HDAC9: variants seen among roughly 807,000 people sequenced by gnomAD.
The protein encoded by HDAC9 is histone deacetylase 9.
In HDAC9, 41 loss-of-function variants were observed where a neutral mutation model predicts 139.4. The ratio of observed to expected loss-of-function variants is 0.29; its 90% CI spans 0.23 to 0.38. The LOEUF (loss-of-function observed/expected upper bound fraction) is 0.38, where lower values mean the gene tolerates loss of function less well. Ranked by LOEUF, HDAC9 falls within the 10% of genes least tolerant of loss-of-function variation. HDAC9 has a pLI of 1.00. For missense variants in HDAC9, 1,147 were observed against 1,297.0 expected (o/e 0.88, Z 1.78); for synonymous variants, 517 against 476.2 (o/e 1.09, Z -1.12).
intron 1 of HDAC9, among the ~76,000 whole-genome samples, chr7:18,419,052 A>C (rs1346951097): frequency 6.6e-6 from 1 of 152,148 alleles, no homozygotes; most frequent in Non-Finnish European, 1.5e-5. Context: ...TCATCTTTAT[A>C]TGTCCTTTTC....
At chr7:18,128,401 C>A (rs544211599) in intron 1 of HDAC9, among the ~76,000 whole-genome samples, 2 of 152,040 alleles carry the variant, frequency 1.3e-5, no homozygotes, top group Non-Finnish European at 2.9e-5. Context: ...TTTCATCTCT[C>A]TGAATCTTGG....
chr7:18,122,836 C>T (rs1011110242), intron 1 of HDAC9, among the ~76,000 whole-genome samples: 1 of 152,142 alleles, frequency 6.6e-6, no homozygotes, highest in African/African-American at 2.4e-5. Flanking sequence ...CCAGTCTGGC[C>T]TTGAACTCCT....
chr7:18,148,385 T>C (rs1317409065), intron 1 of HDAC9, among the ~76,000 whole-genome samples: 1 of 152,198 alleles, frequency 6.6e-6, no homozygotes, highest in Non-Finnish European at 1.5e-5. Context: ...CCAGCACTGC[T>C]GCATCGACTA....
At chr7:18,201,113 G>T (rs140912223) in intron 2 of HDAC9, among the ~76,000 whole-genome samples, 2 of 152,202 alleles carry the variant, frequency 1.3e-5, no homozygotes, top group East Asian at 3.9e-4. Context: ...ACTCGTGTCC[G>T]CCTCGCAACA....
At chr7:18,319,128 C>A (rs996628116) in intron 1 of HDAC9, among the ~76,000 whole-genome samples, 1 of 152,198 alleles carries the variant, frequency 6.6e-6, no homozygotes, top group Non-Finnish European at 1.5e-5. Flanking sequence ...AGCTGATAAT[C>A]TTAAAAACGC....
intron 17 of HDAC9, among the ~76,000 whole-genome samples, chr7:18,805,534 A>G (rs771440554): frequency 6.6e-6 from 1 of 152,206 alleles, no homozygotes. Context: ...GCCAGTGGAC[A>G]CTGCGCAGAA....
chr7:18,678,925 A>G lies in HDAC9; in HGVS notation c.1731+12449A>G, dbSNP rs528233668. On this transcript the variant is annotated intron_variant, in intron 12 of 25. Transcript: ENST00000686413. ...TGTGCAAGTCTATCATAACCTTTAC[A>G]CTCAACTTGGTTTCTCTCTTGCTCC... Among the ~76,000 whole-genome samples, 140 of 152,006 alleles carry G rather than the reference A, an allele frequency of 9.2e-4. 1 individual carries two copies. The highest frequency in any genetic ancestry group is 1.8e-3 in the Non-Finnish European group (121 of 67,896).
At chr7:18,771,593 A>G (rs955779280) in intron 16 of HDAC9, among the ~76,000 whole-genome samples, 11 of 152,108 alleles carry the variant, frequency 7.2e-5, no homozygotes, top group African/African-American at 2.6e-4. Context: ...TTGTATATAC[A>G]CATACATAAT....
intron 2 of HDAC9, among the ~76,000 whole-genome samples, chr7:18,239,641 A>G (rs1794056069): frequency 6.6e-6 from 1 of 152,216 alleles, no homozygotes; most frequent in Admixed American, 6.5e-5. Flanking sequence ...ATTTTCTTCA[A>G]AAACATTTCA....
At chr7:18,414,930 A>G (rs1788910178) in intron 1 of HDAC9, among the ~76,000 whole-genome samples, 1 of 152,026 alleles carries the variant, frequency 6.6e-6, no homozygotes, top group Non-Finnish European at 1.5e-5. Context: ...TTTGGTCCTC[A>G]TTCTCTGCTT....
rs191969587 is a variant in HDAC9, at chr7:18,626,028, G to A, written c.665-3322G>A. On this transcript the variant is annotated intron_variant, in intron 6 of 25. Transcript: ENST00000686413. Reference sequence around the variant, plus strand: ...CTGGCAGGGAACAGATCTTTGCAGCGTGGGTCATAGACTTTTATGAAGGGA... The same window carrying A: ...CTGGCAGGGAACAGATCTTTGCAGCATGGGTCATAGACTTTTATGAAGGGA... Among the ~76,000 whole-genome samples, 653 of 151,446 alleles carry A rather than the reference G, an allele frequency of 4.3e-3. 2 individuals are homozygous for A. Among genetic ancestry groups the A allele is most frequent in the Admixed American group, 1.0e-2 (152 of 15,208 alleles).
chr7:18,299,010 C>G (rs916792513), intron 1 of HDAC9, among the ~76,000 whole-genome samples: 1 of 151,530 alleles, frequency 6.6e-6, no homozygotes, highest in Non-Finnish European at 1.5e-5. Context: ...ATTTTGGAGC[C>G]CAACTATTCT....
chr7:18,272,368 T>C (rs944152510), intron 2 of HDAC9, among the ~76,000 whole-genome samples: 1 of 152,170 alleles, frequency 6.6e-6, no homozygotes, highest in African/African-American at 2.4e-5. Context: ...TATAGTGTGT[T>C]GCAGCAAAAC....
intron 22 of HDAC9, among the ~76,000 whole-genome samples, chr7:18,931,222 A>G (rs1804713090): frequency 6.6e-6 from 1 of 152,138 alleles, no homozygotes; most frequent in Non-Finnish European, 1.5e-5. Flanking sequence ...TCAGGGAAAG[A>G]ACATTTCTAA....
exon 2 of HDAC9, chr7:18,162,247 C>G: frequency 1.5e-6 from 2 of 1,322,710 alleles, no homozygotes; most frequent in Non-Finnish European, 2.1e-6. Context: ...TCTGCCAACC[C>G]CTCCTGGACC....
At chr7:18,838,865 G>A (rs1013735703) in intron 21 of HDAC9, among the ~76,000 whole-genome samples, 8 of 151,816 alleles carry the variant, frequency 5.3e-5, no homozygotes, top group Non-Finnish European at 8.8e-5. Context: ...ATGTAAGATC[G>A]CTGCTTATTT....
chr7:18,420,703 G>C (rs747228816), intron 1 of HDAC9, among the ~76,000 whole-genome samples: 1 of 152,074 alleles, frequency 6.6e-6, no homozygotes, highest in Non-Finnish European at 1.5e-5. Context: ...TAATATCCCT[G>C]ATCTTACAGA....
At chr7:18,352,664 T>C (rs1356041234) in intron 1 of HDAC9, among the ~76,000 whole-genome samples, 1 of 152,104 alleles carries the variant, frequency 6.6e-6, no homozygotes, top group African/African-American at 2.4e-5. Flanking sequence ...TTTTTCGTTA[T>C]GATGGTTAGC....
intron 2 of HDAC9, among the ~76,000 whole-genome samples, chr7:18,569,737 A>C (rs1431933103): frequency 1.3e-5 from 2 of 152,158 alleles, no homozygotes; most frequent in Non-Finnish European, 2.9e-5. Flanking sequence ...TTATTTATGT[A>C]TATGTAAAAA....
Sources: allele counts gnomAD v4.1 joint callset (sites outside exome capture counted in the v4.1 genomes callset), GRCh38; gene constraint gnomAD v4.1.1; transcripts MANE v1.5; gene names NCBI Gene and HGNC (gene_info 2026-07-23, HGNC 2026-07-21).